VPS18: variants seen among roughly 807,000 people sequenced by gnomAD.
The protein encoded by VPS18 is vacuolar protein sorting-associated protein 18 homolog.
In VPS18, 25 loss-of-function variants were observed where a neutral mutation model predicts 82.0. The observed-to-expected ratio is 0.30, with a 90% confidence interval of 0.22 to 0.43. The LOEUF (loss-of-function observed/expected upper bound fraction) is 0.43, where lower values mean the gene tolerates loss of function less well. Among genes scored for constraint, VPS18 ranks in the 20% least tolerant of loss-of-function variants. VPS18 has a pLI of 1.00. For missense variants in VPS18, 1,168 were observed against 1,311.1 expected, an observed-to-expected ratio of 0.89 and a Z score of 1.69; for synonymous variants, 523 against 543.0, an observed-to-expected ratio of 0.96 and a Z score of 0.51.
Position 40,894,709 on chromosome 15 carries a change from G to C in VPS18, c.-60G>C, listed in dbSNP as rs1596172511. ...TCCATTCTGGGGCGACGGGGACCCC[G>C]GGGGGGTAGCCCTTTTGTAATCCCC... On this transcript the variant is annotated 5_prime_UTR_variant, in exon 1 of 5. Transcript: ENST00000220509. The C allele has an allele frequency of 3.6e-6, 5 of 1,371,490 alleles. No homozygotes were observed. The highest frequency in any genetic ancestry group is 3.8e-6 in the Non-Finnish European group (4 of 1,053,400). The allele number at this position is 1,371,490 out of a possible 1,614,324, so 85.0% of individuals were successfully genotyped here. A position where few individuals can be genotyped will look rare whatever the true frequency, so the allele number is the denominator to read the frequency against.
rs745912580 is a variant in VPS18, at chr15:40,900,903, C to T, written c.2085C>T (p.Tyr695=). 1.2e-5 allele frequency: 19 copies of T among 1,613,874 alleles called. No homozygotes were observed. In the South Asian group the frequency reaches 1.2e-4, roughly 10 times the overall value. Residue 695 remains tyrosine (Y), a synonymous_variant, in exon 4 of 5, where the codon TAC becomes TAT. Transcript: ENST00000220509. This position sits in a 1 kb window ranked among gnomAD's most constrained non-coding sequence, Gnocchi z 5.4. ...QAGASPHRVH[Y]DLKYALRLCA... ...GGGCCAGCCCCCACCGGGTGCATTA[C>T]GACCTCAAGTATGCGCTGCGGCTCT...
At position 40,894,563 on chromosome 15, in the gene VPS18, G is replaced by A. The variant is rs1566867593; in HGVS notation, c.-206G>A. On this transcript the variant is annotated 5_prime_UTR_variant, in exon 1 of 5. Coordinates refer to ENST00000220509, the MANE Select transcript of VPS18 (RefSeq NM_020857.3). ...AGGTGCAAGACTGCGCCAGATTCAA[G>A]GACGAGGGCTGCCCGATTATCTCGC... 4.0e-6 allele frequency: 2 copies of A among 494,450 alleles called. No individual in the cohort carries two copies. Among genetic ancestry groups the A allele is most frequent in the Admixed American group, 4.0e-5 (1 of 25,294 alleles). The allele number at this position is 494,450 out of a possible 1,614,324, so 30.6% of individuals were successfully genotyped here. A position where few individuals can be genotyped will look rare whatever the true frequency, so the allele number is the denominator to read the frequency against.
In VPS18 at chr15:40,899,151, C is replaced by G. The variant is rs1181708784; in HGVS notation, c.333C>G (p.His111Gln). Reference sequence around the variant, plus strand: ...ATGCTCTCCCCACTCCAGGCTCTCACCTGCTGATTGCCCTGAGCAGCACGG... The same window carrying G: ...ATGCTCTCCCCACTCCAGGCTCTCAGCTGCTGATTGCCCTGAGCAGCACGG... ...HKMFLDHTGS[H>Q]LLIALSSTEV... is the part of the protein sequence containing the mutation. Residue 111 changes from histidine (H) to glutamine (Q), a missense_variant, in exon 4 of 5, where the codon CAC becomes CAG. Physicochemically the swap from His to Gln is conservative, Grantham distance 24 (BLOSUM62 0). Transcript: ENST00000220509. The surrounding 1 kb of genome is among the most constrained non-coding windows in gnomAD (Gnocchi z 4.4). 6.2e-7 allele frequency: 1 copy of G among 1,612,146 alleles called. No individual in the cohort carries two copies. Among genetic ancestry groups the G allele is most frequent in the South Asian group, 1.1e-5 (1 of 91,004 alleles).
rs1161683686 is a variant in VPS18, at chr15:40,896,031, T to C, written c.185T>C (p.Val62Ala). Reference protein sequence around the residue: ...TPSERITSLVVSSNQLCMSLG... With the variant: ...TPSERITSLVASSNQLCMSLG... ...TCCGAGCGCATTACCAGTCTTGTCG[T>C]CTCCAGCAATCAGCTGTGCATGAGC... The change falls in exon 2 of 5, where the codon GTC becomes GCC. Residue 62 changes from valine to alanine, a missense_variant. Physicochemically the swap from Val to Ala is moderately conservative, Grantham distance 64. Transcript: ENST00000220509. 1.2e-6 allele frequency: 2 copies of C among 1,614,162 alleles called. No individual in the cohort carries two copies. The highest frequency in any genetic ancestry group is 4.5e-5 in the East Asian group (2 of 44,890).
chr15:40,898,059 C>T (rs1333855447), intron 2 of VPS18, among the ~76,000 whole-genome samples: 1 of 152,162 alleles, frequency 6.6e-6, no homozygotes, highest in Non-Finnish European at 1.5e-5. Flanking sequence ...CTCCGCCTCC[C>T]GGGTTCACGC....
chr15:40,899,871 GC>G lies in VPS18; in HGVS notation c.1054del (p.Gln352ArgfsTer15). 1 of 1,608,964 alleles carries G rather than the reference GC, an allele frequency of 6.2e-7. No individual in the cohort carries two copies. Among genetic ancestry groups the G allele is most frequent in the Non-Finnish European group, 8.5e-7 (1 of 1,180,012 alleles). ...TGGAGGCAGTGTGCACACTGACCGG[GC>G]AGGTGGTGCTGCGGGATCACTTCCT... ...RVEAVCTLTG[Q>X]VVLRDHFLEK... On this transcript the variant is annotated frameshift_variant, in exon 4 of 5. Coordinates refer to ENST00000220509, the MANE Select transcript of VPS18 (RefSeq NM_020857.3). LOFTEE classifies it high-confidence loss of function. The surrounding 1 kb of genome is among the most constrained non-coding windows in gnomAD (Gnocchi z 4.4).
At position 40,900,183 on chromosome 15, in the gene VPS18, G is replaced by C; in HGVS notation, c.1365G>C (p.Glu455Asp). The stretch of plus-strand genomic sequence containing the variant: ...CCCTGACCCAGAGCTACTTTGAGGA[G>C]ATTGCCCTCAAGTTCCTGGAGGCCC... ...CYALTQSYFE[E>D]IALKFLEARQ... Residue 455 changes from glutamate to aspartate, a missense_variant, in exon 4 of 5, where the codon GAG (glutamate) becomes GAC (aspartate). Physicochemically the swap from Glu to Asp is conservative, Grantham distance 45. This residue lies in a region of VPS18 where 868 missense variants were observed against 939.8 expected (regional missense o/e 0.92). Transcript: ENST00000220509. The surrounding 1 kb of genome is among the most constrained non-coding windows in gnomAD (Gnocchi z 5.4). 1 of 1,613,838 alleles carries C rather than the reference G, an allele frequency of 6.2e-7. No homozygotes were observed. Among genetic ancestry groups the C allele is most frequent in the Non-Finnish European group, 8.5e-7 (1 of 1,180,016 alleles).
At chr15:40,898,186 C>T (rs1892264988) in intron 2 of VPS18, among the ~76,000 whole-genome samples, 1 of 151,112 alleles carries the variant, frequency 6.6e-6, no homozygotes, top group Non-Finnish European at 1.5e-5. Context: ...AATCTCCTGA[C>T]CTTGTGATCT....
rs1336452338 is a variant in VPS18, at chr15:40,902,013, C to T, written c.2197-603C>T. ...TGCTATTTAACATGCAGTTCCTAGG[C>T]CTGAACTCAGGACTTACTGAATCAG... On this transcript the variant is annotated intron_variant, in intron 4 of 4. Coordinates refer to ENST00000220509, the MANE Select transcript of VPS18 (RefSeq NM_020857.3). The surrounding 1 kb of genome is among the most constrained non-coding windows in gnomAD (Gnocchi z 4.2). Among the ~76,000 whole-genome samples the T allele has an allele frequency of 6.6e-6, 1 of 152,146 alleles. No homozygotes were observed. Among genetic ancestry groups the T allele is most frequent in the Non-Finnish European group, 1.5e-5 (1 of 68,024 alleles).
Position 40,899,663 on chromosome 15 carries a change from G to A in VPS18, c.845G>A (p.Arg282Gln), listed in dbSNP as rs772049946. ...FYTPKLRSAP[R>Q]AFAWMMGDGV... ...ACCCCCAAGCTGCGCTCCGCACCCC[G>A]GGCCTTCGCCTGGATGATGGGGGAT... Residue 282 changes from arginine to glutamine, a missense_variant, in exon 4 of 5, where the codon CGG becomes CAG. Arg to Gln is a conservative substitution (Grantham distance 43). Coordinates refer to ENST00000220509, the MANE Select transcript of VPS18 (RefSeq NM_020857.3). The surrounding 1 kb of genome is among the most constrained non-coding windows in gnomAD (Gnocchi z 4.4). 6.5e-5 allele frequency: 105 copies of A among 1,613,472 alleles called. No homozygotes were observed. The highest frequency in any genetic ancestry group is 8.2e-5 in the Non-Finnish European group (97 of 1,180,052).
chr15:40,899,560 T>C lies in VPS18; in HGVS notation c.742T>C (p.Phe248Leu). 1 of 1,608,434 alleles carries C rather than the reference T, an allele frequency of 6.2e-7. No individual in the cohort carries two copies. Among genetic ancestry groups the C allele is most frequent in the Non-Finnish European group, 8.5e-7 (1 of 1,179,990 alleles). ...GAEAQGFSGLFAAYTDHPPPF... is the reference protein window; with the variant it reads ...GAEAQGFSGLLAAYTDHPPPF... ...TGAGGCCCAGGGTTTCTCAGGGCTC[T>C]TTGCAGCTTACACGGACCACCCACC... is the stretch of plus-strand genomic sequence containing the variant. Residue 248 changes from phenylalanine (F) to leucine (L), a missense_variant, in exon 4 of 5, where the codon TTT (phenylalanine) becomes CTT (leucine). Physicochemically the swap from Phe to Leu is conservative, Grantham distance 22. Transcript: ENST00000220509. This position sits in a 1 kb window ranked among gnomAD's most constrained non-coding sequence, Gnocchi z 4.4.
Position 40,903,679 on chromosome 15 carries a change from T to C in VPS18, c.*338T>C. On this transcript the variant is annotated 3_prime_UTR_variant, in exon 5 of 5. Coordinates refer to ENST00000220509, the MANE Select transcript of VPS18 (RefSeq NM_020857.3). ...ATTCCCCACACACGTCCTGTTCACCTCGAGAGAGAGAGAGAGAGAGCACCT... is the reference window on the plus strand; with the variant it reads ...ATTCCCCACACACGTCCTGTTCACCCCGAGAGAGAGAGAGAGAGAGCACCT... 4.6e-6 allele frequency: 1 copy of C among 216,548 alleles called. No individual in the cohort carries two copies. The allele number at this position is 216,548 out of a possible 1,614,324, so 13.4% of individuals were successfully genotyped here. A position where few individuals can be genotyped will look rare whatever the true frequency, so the allele number is the denominator to read the frequency against.
At chr15:40,897,632 T>C (rs1426108911) in intron 2 of VPS18, among the ~76,000 whole-genome samples, 1 of 152,220 alleles carries the variant, frequency 6.6e-6, no homozygotes, top group Non-Finnish European at 1.5e-5. Flanking sequence ...AAGAATTTCA[T>C]AAGGAAAATA....
intron 2 of VPS18, among the ~76,000 whole-genome samples, chr15:40,898,486 T>G (rs1348514900): frequency 6.6e-6 from 1 of 151,732 alleles, no homozygotes. Flanking sequence ...TTTTTTTTTT[T>G]TTTGAGATGA....
intron 2 of VPS18, among the ~76,000 whole-genome samples, chr15:40,898,155 A>G (rs1002468871): frequency 2.0e-5 from 3 of 149,688 alleles, no homozygotes; most frequent in African/African-American, 7.4e-5. Context: ...TTTAGTAGAG[A>G]TGTGATTTCA....
rs763271946 is a variant in VPS18, at chr15:40,896,049, G to C, written c.203G>C (p.Cys68Ser). 3.7e-6 allele frequency: 6 copies of C among 1,614,202 alleles called. No homozygotes were observed. The East Asian group carries it at 1.3e-4, about 36-fold the overall frequency. ...TSLVVSSNQL[C>S]MSLGKDTLLR... ...CTTGTCGTCTCCAGCAATCAGCTGT[G>C]CATGAGCCTGGGCAAGGATACACTG... The change falls in exon 2 of 5, where the codon TGC (cysteine) becomes TCC (serine). Residue 68 changes from cysteine to serine, a missense_variant. Cys to Ser is a moderately radical substitution (Grantham distance 112, BLOSUM62 -1). Coordinates refer to ENST00000220509, the MANE Select transcript of VPS18 (RefSeq NM_020857.3).
chr15:40,899,563 G>T lies in VPS18; in HGVS notation c.745G>T (p.Ala249Ser). 1 of 1,608,284 alleles carries T rather than the reference G, an allele frequency of 6.2e-7. No homozygotes were observed. The highest frequency in any genetic ancestry group is 8.5e-7 in the Non-Finnish European group (1 of 1,180,000). ...GGCCCAGGGTTTCTCAGGGCTCTTTGCAGCTTACACGGACCACCCACCCCC... is the reference window on the plus strand; with the variant it reads ...GGCCCAGGGTTTCTCAGGGCTCTTTTCAGCTTACACGGACCACCCACCCCC... ...AEAQGFSGLF[A>S]AYTDHPPPFR... Residue 249 changes from alanine (A) to serine (S), a missense_variant, in exon 4 of 5, where the codon GCA becomes TCA. Physicochemically the swap from Ala to Ser is moderately conservative, Grantham distance 99. This residue lies in a region of VPS18 where 868 missense variants were observed against 939.8 expected (regional missense o/e 0.92). Transcript: ENST00000220509. This position sits in a 1 kb window ranked among gnomAD's most constrained non-coding sequence, Gnocchi z 4.4.
At chr15:40,895,917 C>T (rs1273020049) in intron 1 of VPS18, 21 bp from the exon 2 acceptor site, 1 of 1,613,948 alleles carries the variant, frequency 6.2e-7, no homozygotes, top group Non-Finnish European at 8.5e-7. Flanking sequence ...AGCTAATCTT[C>T]TTGTCATTCC....
Position 40,899,562 on chromosome 15 carries a change from T to G in VPS18, c.744T>G (p.Phe248Leu). ...AGGCCCAGGGTTTCTCAGGGCTCTT[T>G]GCAGCTTACACGGACCACCCACCCC... ...GAEAQGFSGL[F>L]AAYTDHPPPF... Residue 248 changes from phenylalanine to leucine, a missense_variant, in exon 4 of 5, where the codon TTT (phenylalanine) becomes TTG (leucine). This residue lies in a region of VPS18 where 868 missense variants were observed against 939.8 expected (regional missense o/e 0.92). Coordinates refer to ENST00000220509, the MANE Select transcript of VPS18 (RefSeq NM_020857.3). This position sits in a 1 kb window ranked among gnomAD's most constrained non-coding sequence, Gnocchi z 4.4. 7 of 1,608,422 alleles carry G rather than the reference T, an allele frequency of 4.4e-6. No homozygotes were observed. The highest frequency in any genetic ancestry group is 5.9e-6 in the Non-Finnish European group (7 of 1,179,990).
Sources: allele counts gnomAD v4.1 joint callset (sites outside exome capture counted in the v4.1 genomes callset), GRCh38; gene constraint gnomAD v4.1.1; regional missense constraint gnomAD v4.1.1; non-coding constraint Gnocchi (gnomAD v3.1); transcripts MANE v1.5; gene names NCBI Gene and HGNC (gene_info 2026-07-23, HGNC 2026-07-21).